ANKRD36: variants seen among roughly 807,000 people sequenced by gnomAD.
The protein encoded by ANKRD36 is ankyrin repeat domain 36.
ANKRD36 carries 179 observed loss-of-function variants against 278.1 expected under a neutral mutation model. The observed-to-expected ratio is 0.64, with a 90% confidence interval of 0.57 to 0.73. ANKRD36 has a LOEUF of 0.73. Among genes scored for constraint, ANKRD36 ranks in the 30% least tolerant of loss-of-function variants. The pLI, the probability that ANKRD36 is intolerant of heterozygous loss-of-function variation, is 0.00. For synonymous variants in ANKRD36, 320 were observed against 641.1 expected (o/e 0.50, Z 7.57); for missense variants, 1,159 against 1,956.7 (o/e 0.59, Z 7.69).
At chr2:97,138,746 C>T (rs532532788) in intron 6 of ANKRD36, among the ~76,000 whole-genome samples, 3 of 151,934 alleles carry the variant, frequency 2.0e-5, no homozygotes, top group Non-Finnish European at 4.4e-5. Context: ...ATATATAGAC[C>T]AATGAAACAG....
chr2:97,201,672 G>A (rs2061412051), intron 46 of ANKRD36, among the ~76,000 whole-genome samples: 2 of 151,922 alleles, frequency 1.3e-5, no homozygotes, highest in African/African-American at 4.8e-5. Flanking sequence ...AGGTATCCAA[G>A]GTGATCAATG....
At chr2:97,202,153 C>G (rs781393405) in intron 46 of ANKRD36, 49 bp from the exon 47 acceptor site, 8 of 1,605,646 alleles carry the variant, frequency 5.0e-6, no homozygotes, top group Non-Finnish European at 6.8e-6. Flanking sequence ...GTATGGAAAT[C>G]TTTGTCATAT....
chr2:97,200,572 A>G (rs1245410036), intron 46 of ANKRD36, 47 bp downstream of exon 46: 2 of 1,537,840 alleles, frequency 1.3e-6, no homozygotes, highest in Non-Finnish European at 1.7e-6. Context: ...CCAGATAAGA[A>G]GTTCTCTTCC....
intron 26 of ANKRD36, 64 bp downstream of exon 26, chr2:97,181,857 G>A (rs996920100): frequency 1.9e-5 from 20 of 1,036,816 alleles, no homozygotes; most frequent in Admixed American, 7.9e-5. Context: ...TCTCTTCCCC[G>A]AATAAATCAG....
intron 26 of ANKRD36, among the ~76,000 whole-genome samples, chr2:97,182,960 G>T (rs934303938): frequency 1.3e-5 from 2 of 151,584 alleles, no homozygotes; most frequent in South Asian, 4.2e-4. Context: ...CCGAGGACTC[G>T]TGAAGTGTAC....
Position 97,179,847 on chromosome 2 carries a change from C to T in ANKRD36, c.1663-14C>T. On this transcript the variant is annotated splice_polypyrimidine_tract_variant and intron_variant, in intron 23 of 75. Transcript: ENST00000420699. ...ACTTTACATATTGATTATTTTGCTT[C>T]AAATCCCATTCAGGCTACAAGTGAC... 1 of 1,603,674 alleles carries T rather than the reference C, an allele frequency of 6.2e-7. No homozygotes were observed. Among genetic ancestry groups the T allele is most frequent in the Non-Finnish European group, 8.5e-7 (1 of 1,178,332 alleles).
In ANKRD36 at chr2:97,185,530, T is replaced by G. The variant is rs1051021251; in HGVS notation, c.2041+20T>G. ...GGACAGGTAATTTTGCAAAACACAT[T>G]TAATGTCATGTTCAGTCCAGATAGA... On this transcript the variant is annotated intron_variant, in intron 30 of 75. Coordinates refer to ENST00000420699, the MANE Select transcript of ANKRD36 (RefSeq NM_001354587.1). The G allele has an allele frequency of 6.2e-7, 1 of 1,606,890 alleles. No individual in the cohort carries two copies. Among genetic ancestry groups the G allele is most frequent in the Non-Finnish European group, 8.5e-7 (1 of 1,176,178 alleles).
intron 40 of ANKRD36, among the ~76,000 whole-genome samples, chr2:97,195,821 T>C (rs2059600615): frequency 6.6e-6 from 1 of 152,074 alleles, no homozygotes; most frequent in Non-Finnish European, 1.5e-5. Context: ...GAATGATTTC[T>C]GAATGTAAAA....
intron 56 of ANKRD36, among the ~76,000 whole-genome samples, chr2:97,210,470 C>T (rs1486602541): frequency 2.6e-5 from 4 of 151,840 alleles, no homozygotes; most frequent in Non-Finnish European, 5.9e-5. Flanking sequence ...CGAGGAACTA[C>T]TGGAAGCAGG....
intron 36 of ANKRD36, 131 bp from the exon 37 acceptor site, chr2:97,192,726 TA>T: frequency 7.7e-7 from 1 of 1,295,074 alleles, no homozygotes. Flanking sequence ...GTCCCCAGAC[TA>T]AAAGTAGAAG....
intron 11 of ANKRD36, among the ~76,000 whole-genome samples, chr2:97,148,855 A>G (rs568903353): frequency 6.6e-6 from 1 of 152,412 alleles, no homozygotes; most frequent in Non-Finnish European, 1.5e-5. Context: ...TCAGAAATAG[A>G]TAATGGAGAA....
Position 97,142,972 on chromosome 2 carries a change from T to G in ANKRD36, c.901+137T>G, listed in dbSNP as rs577734810. ...CCTGAGATTCTGCTTTTGTGATAAGTTCTCGGGTGACGCCGATGCTACTGG... is the reference window on the plus strand; with the variant it reads ...CCTGAGATTCTGCTTTTGTGATAAGGTCTCGGGTGACGCCGATGCTACTGG... On this transcript the variant is annotated intron_variant, in intron 8 of 75. Transcript: ENST00000420699. 3.1e-5 allele frequency: 38 copies of G among 1,210,754 alleles called. No homozygotes were observed. In the African/African-American group the frequency reaches 5.8e-4, roughly 19 times the overall value. The allele number at this position is 1,210,754 out of a possible 1,614,324, so 75.0% of individuals were successfully genotyped here.
At chr2:97,172,896 T>C (rs1273950989) in intron 22 of ANKRD36, among the ~76,000 whole-genome samples, 3 of 152,030 alleles carry the variant, frequency 2.0e-5, no homozygotes, top group African/African-American at 7.2e-5. Flanking sequence ...AAACTGTAAA[T>C]AGAGGAATTT....
At chr2:97,153,878 C>T (rs192330325) in intron 14 of ANKRD36, among the ~76,000 whole-genome samples, 1 of 127,638 alleles carries the variant, frequency 7.8e-6, no homozygotes, top group East Asian at 2.3e-4. Flanking sequence ...AAATGAAGCT[C>T]TAAGTACTCA....
chr2:97,178,749 A>G (rs1365720335), intron 22 of ANKRD36, among the ~76,000 whole-genome samples: 1 of 151,540 alleles, frequency 6.6e-6, no homozygotes, highest in Admixed American at 6.6e-5. Flanking sequence ...TAGTGGGTGC[A>G]GCGCACCAGC....
At chr2:97,243,101 T>C (rs2074792591) in intron 69 of ANKRD36, among the ~76,000 whole-genome samples, 1 of 136,142 alleles carries the variant, frequency 7.3e-6, no homozygotes, top group Non-Finnish European at 1.6e-5. Context: ...TGAAGAGATT[T>C]ATTCTGAGCC....
chr2:97,139,347 T>G (rs1305659608), intron 6 of ANKRD36, among the ~76,000 whole-genome samples: 1 of 152,052 alleles, frequency 6.6e-6, no homozygotes, highest in Non-Finnish European at 1.5e-5. Flanking sequence ...TAAAAACCTC[T>G]TACAACATAT....
chr2:97,214,225 G>A (rs2065375464), intron 60 of ANKRD36, among the ~76,000 whole-genome samples: 1 of 133,516 alleles, frequency 7.5e-6, no homozygotes, highest in Middle Eastern at 3.4e-3. Flanking sequence ...ACTACTGGGT[G>A]CAGGAGATAA....
At chr2:97,192,500 A>T (rs1290448538) in intron 36 of ANKRD36, among the ~76,000 whole-genome samples, 1 of 151,750 alleles carries the variant, frequency 6.6e-6, no homozygotes, top group South Asian at 2.1e-4. Context: ...ATGTGGGATC[A>T]TGTAGCACCT....
Sources: allele counts gnomAD v4.1 joint callset (sites outside exome capture counted in the v4.1 genomes callset), GRCh38; gene constraint gnomAD v4.1.1; transcripts MANE v1.5; gene names NCBI Gene and HGNC (gene_info 2026-07-23, HGNC 2026-07-21).